SYNE3: variants seen among roughly 807,000 people sequenced by gnomAD.
The protein encoded by SYNE3 is nesprin-3.
In SYNE3, 100 loss-of-function variants were observed where a neutral mutation model predicts 111.2. The ratio of observed to expected loss-of-function variants is 0.90; its 90% CI spans 0.77 to 1.06. The LOEUF (loss-of-function observed/expected upper bound fraction) is 1.06, where lower values mean the gene tolerates loss of function less well. Among genes scored for constraint, SYNE3 ranks in the 50% least tolerant of loss-of-function variants. The pLI, the probability that SYNE3 is intolerant of heterozygous loss-of-function variation, is 0.00. For synonymous variants in SYNE3, 547 were observed against 533.9 expected (o/e 1.02, Z -0.34); for missense variants, 1,160 against 1,240.3 (o/e 0.94, Z 0.97).
chr14:95,482,739 A>ACC (rs1410761736), intron 1 of SYNE3, among the ~76,000 whole-genome samples: 1 of 152,160 alleles, frequency 6.6e-6, no homozygotes, highest in African/African-American at 2.4e-5. Flanking sequence ...GCCGACATTT[A>ACC]CCCGGTGTTC....
At chr14:95,487,958 G>A (rs969704173) in intron 1 of SYNE3, among the ~76,000 whole-genome samples, 4 of 151,854 alleles carry the variant, frequency 2.6e-5, no homozygotes, top group African/African-American at 9.7e-5. Context: ...ACATCAGGAC[G>A]ATAAGGATGA....
chr14:95,515,205 G>A (rs999175104), intron 1 of SYNE3, among the ~76,000 whole-genome samples: 1 of 152,186 alleles, frequency 6.6e-6, no homozygotes, highest in Non-Finnish European at 1.5e-5. Context: ...GGGCCTCTCT[G>A]GTTGAAAACA....
intron 8 of SYNE3, among the ~76,000 whole-genome samples, chr14:95,449,071 A>C (rs773518161): frequency 6.6e-6 from 1 of 152,190 alleles, no homozygotes; most frequent in Non-Finnish European, 1.5e-5. Flanking sequence ...TATGGACTTC[A>C]GAGTTCAATG....
At chr14:95,493,940 T>C (rs940702849) in intron 1 of SYNE3, among the ~76,000 whole-genome samples, 9 of 152,184 alleles carry the variant, frequency 5.9e-5, no homozygotes, top group African/African-American at 2.2e-4. Context: ...ATTCCTGTTT[T>C]ATAGATGAGA....
At chr14:95,423,977 G>A (rs112528252) in intron 17 of SYNE3, among the ~76,000 whole-genome samples, 4,460 of 119,878 alleles carry the variant, frequency 0.037, 81 homozygotes, top group African/African-American at 0.053. Context: ...ATTTGATGGG[G>A]ATGGGGATTT....
chr14:95,452,456 G>A (rs1228379644), intron 6 of SYNE3, 73 bp from the exon 7 acceptor site: 1 of 1,464,038 alleles, frequency 6.8e-7, no homozygotes, highest in Non-Finnish European at 9.1e-7. Flanking sequence ...GCAGGAGGGT[G>A]AGCGTGGCCA....
chr14:95,468,082 A>G, intron 2 of SYNE3, 115 bp from the exon 3 acceptor site: 1 of 1,238,232 alleles, frequency 8.1e-7, no homozygotes, highest in Non-Finnish European at 1.1e-6. Context: ...AGGATCTGGG[A>G]TTCACATCAC....
intron 1 of SYNE3, among the ~76,000 whole-genome samples, chr14:95,480,055 A>AAAT (rs1889134222): frequency 7.9e-6 from 1 of 126,626 alleles, no homozygotes. Context: ...TAGGATTAAA[A>AAAT]AATAAATAAA....
chr14:95,508,876 G>A (rs951169908), intron 1 of SYNE3, among the ~76,000 whole-genome samples: 4 of 152,228 alleles, frequency 2.6e-5, no homozygotes, highest in Non-Finnish European at 4.4e-5. Flanking sequence ...CTCAGGTTAC[G>A]GCTCCAGAGC....
rs149022260 is a variant in SYNE3, at chr14:95,452,717, T to G, written c.1138-334A>C. Among the ~76,000 whole-genome samples, 109 of 152,334 alleles carry G rather than the reference T, an allele frequency of 7.2e-4. No homozygotes were observed. The Middle Eastern group carries it at 0.01, about 14-fold the overall frequency. ...CCAATGCCAGGCTGAGCGCCCTGGG[T>G]GTCCCATTCGTTTAAGCCTCACAAC... On this transcript the variant is annotated intron_variant, in intron 6 of 17. Coordinates refer to ENST00000682763, the MANE Select transcript of SYNE3 (RefSeq NM_152592.6).
In SYNE3 at chr14:95,409,712, A is replaced by T. The variant is rs187705651; in HGVS notation, c.*8114T>A. 3.3e-6 allele frequency: 1 copy of T among 300,774 alleles called. No homozygotes were observed. Among genetic ancestry groups the T allele is most frequent in the African/African-American group, 2.2e-5 (1 of 46,038 alleles). The allele number at this position is 300,774 out of a possible 1,614,324, so 18.6% of individuals were successfully genotyped here. A position where few individuals can be genotyped will look rare whatever the true frequency, so the allele number is the denominator to read the frequency against. ...ATTCCTCCTTGTTCTTACTTTGAAA[A>T]ACAGAAGTCGTTTCTCTCATACACA... On this transcript the variant is annotated 3_prime_UTR_variant, in exon 18 of 18. Coordinates refer to ENST00000682763, the MANE Select transcript of SYNE3 (RefSeq NM_152592.6).
rs369439780 is a variant in SYNE3 at position 95,500,690 on chromosome 14, C to G, written c.-15+15906G>C. 6.6e-6 allele frequency among the ~76,000 whole-genome samples: 1 copy of G among 152,208 alleles called. No homozygotes were observed. Among genetic ancestry groups the G allele is most frequent in the African/African-American group, 2.4e-5 (1 of 41,456 alleles). ...CCCGCTGATCCTCTCCCTGACCACC[C>G]GTGGGACAGTGGCCAGCCATTTTAA... On this transcript the variant is annotated intron_variant, in intron 1 of 17. Coordinates refer to ENST00000682763, the MANE Select transcript of SYNE3 (RefSeq NM_152592.6). The surrounding 1 kb of genome is among the most constrained non-coding windows in gnomAD (Gnocchi z 4.7).
Position 95,440,408 on chromosome 14 carries a change from T to C in SYNE3, c.1912-333A>G, listed in dbSNP as rs148513919. ...AACCACGGGTCAGAATCTACCCAAA[T>C]GGAACGTGGCTGTAGCTGATGGCCC... is the stretch of plus-strand genomic sequence containing the variant. On this transcript the variant is annotated intron_variant, in intron 11 of 17. Transcript: ENST00000682763. Among the ~76,000 whole-genome samples the C allele has an allele frequency of 4.7e-3, 713 of 152,334 alleles. 5 individuals are homozygous for C. The highest frequency in any genetic ancestry group is 0.016 in the African/African-American group (678 of 41,574).
At chr14:95,498,125 T>C (rs1890176412) in intron 1 of SYNE3, among the ~76,000 whole-genome samples, 1 of 151,930 alleles carries the variant, frequency 6.6e-6, no homozygotes, top group Non-Finnish European at 1.5e-5. Flanking sequence ...ATTAACAATT[T>C]TTTTTAAAAA....
intron 17 of SYNE3, among the ~76,000 whole-genome samples, chr14:95,420,136 G>T (rs1885033487): frequency 6.9e-6 from 1 of 145,440 alleles, no homozygotes. Context: ...AAAACAGGCT[G>T]ATTATAACCA....
chr14:95,461,266 C>A (rs1205850419), intron 4 of SYNE3, among the ~76,000 whole-genome samples: 2 of 152,256 alleles, frequency 1.3e-5, no homozygotes, highest in Non-Finnish European at 2.9e-5. Flanking sequence ...GCCAAGATGC[C>A]AGACAGACGC....
intron 1 of SYNE3, among the ~76,000 whole-genome samples, chr14:95,515,485 C>T (rs756201853): frequency 2.6e-5 from 4 of 152,194 alleles, no homozygotes; most frequent in Non-Finnish European, 5.9e-5. Context: ...AATCACTCCC[C>T]CTCTCTGGGC....
rs770458132 is a variant in SYNE3, at chr14:95,433,353, G to A, written c.2595C>T (p.Leu865=). ...GQHLFENLLR[L]GPARGTSDEL... is the part of the protein sequence containing the mutation. ...CATCCGAGGTCCCCCTTGCTGGCCC[G>A]AGACGAAGGAGGTTCTCAAAGAGAT... is the stretch of plus-strand genomic sequence containing the variant. The change falls in exon 16 of 18, where the codon CTC becomes CTT. Residue 865 remains leucine (L), a synonymous_variant. Coordinates refer to ENST00000682763, the MANE Select transcript of SYNE3 (RefSeq NM_152592.6). The A allele has an allele frequency of 2.4e-5, 39 of 1,613,994 alleles. No individual in the cohort carries two copies. Among genetic ancestry groups the A allele is most frequent in the Non-Finnish European group, 3.0e-5 (35 of 1,180,030 alleles).
At chr14:95,454,853 C>T (rs1887310059) in intron 6 of SYNE3, among the ~76,000 whole-genome samples, 1 of 152,156 alleles carries the variant, frequency 6.6e-6, no homozygotes, top group South Asian at 2.1e-4. Context: ...AGCTTCAGTT[C>T]GTATACCTCG....
Sources: gnomAD v4.1 joint callset for allele counts (sites outside exome capture counted in the v4.1 genomes callset) on GRCh38, gnomAD v4.1.1 for gene constraint, Gnocchi (gnomAD v3.1) non-coding constraint, MANE v1.5 for transcripts, NCBI Gene and HGNC (gene_info 2026-07-23, HGNC 2026-07-21) for gene names.